The following NMBR variants were observed in gnomAD, a reference collection of about 807,000 sequenced individuals.
The protein encoded by NMBR is neuromedin B receptor, also known as neuromedin-B receptor.
NMBR carries 16 observed loss-of-function variants against 20.5 expected under a neutral mutation model. The observed-to-expected ratio is 0.78, with a 90% CI of 0.53 to 1.19. NMBR has a LOEUF of 1.19. Among genes scored for constraint, NMBR ranks in the 50% most tolerant of loss-of-function variants. NMBR has a pLI of 0.00. For synonymous variants in NMBR, 212 were observed against 196.6 expected, an observed-to-expected ratio of 1.08 and a Z score of -0.65; for missense variants, 582 against 499.1, an observed-to-expected ratio of 1.17 and a Z score of -1.58.
At chr6:142,141,583 C>T (rs528242319) in intron 1 of NMBR, among the ~76,000 whole-genome samples, 16 of 151,250 alleles carry the variant, frequency 1.1e-4, no homozygotes, top group African/African-American at 3.9e-4. Flanking sequence ...CGACTCACTG[C>T]AACCTCTGCA....
At chr6:142,078,433 A>T (rs1399069046) in intron 3 of NMBR, 122 bp downstream of exon 3, 1 of 611,714 alleles carries the variant, frequency 1.6e-6, no homozygotes, top group African/African-American at 1.9e-5. Context: ...CTTCTAGTTA[A>T]GGCCTGTGAA....
intron 1 of NMBR, among the ~76,000 whole-genome samples, chr6:142,110,514 T>A (rs759118488): frequency 5.9e-5 from 9 of 152,104 alleles, no homozygotes; most frequent in Non-Finnish European, 1.0e-4. Flanking sequence ...TGCATGAAAT[T>A]TATGTGAAAT....
chr6:142,122,024 C>T (rs1196589772), intron 1 of NMBR, among the ~76,000 whole-genome samples: 1 of 151,964 alleles, frequency 6.6e-6, no homozygotes, highest in Admixed American at 6.6e-5. Flanking sequence ...ACATGCCTCT[C>T]ATTCCCAGTT....
At chr6:142,078,955 G>A (rs1777021184) in intron 2 of NMBR, 52 bp from the exon 3 acceptor site, 6 of 1,182,856 alleles carry the variant, frequency 5.1e-6, no homozygotes, top group South Asian at 5.0e-5. Context: ...AAAGAAAAAA[G>A]AGAAAGAAAA....
In NMBR at chr6:142,126,649, A is replaced by C. The variant is rs142539257; in HGVS notation, c.-664+20395T>G. 1.3e-4 allele frequency among the ~76,000 whole-genome samples: 19 copies of C among 151,744 alleles called. No homozygotes were observed. In the East Asian group the frequency reaches 3.5e-3, roughly 28 times the overall value. ...TGATTTTGATTTGTATTTCCCTGATAATAAGCGATGTTGAGCACTTTTTAA... is the reference window on the plus strand; with the variant it reads ...TGATTTTGATTTGTATTTCCCTGATCATAAGCGATGTTGAGCACTTTTTAA... On this transcript the variant is annotated intron_variant, in intron 1 of 3. Transcript: ENST00000258042.
At chr6:142,112,937 C>A (rs1304828341) in intron 1 of NMBR, among the ~76,000 whole-genome samples, 2 of 152,008 alleles carry the variant, frequency 1.3e-5, no homozygotes, top group African/African-American at 4.8e-5. Flanking sequence ...CTGCCTTACC[C>A]ATCTCACAAA....
chr6:142,122,970 A>G (rs139107847), intron 1 of NMBR, among the ~76,000 whole-genome samples: 1 of 152,054 alleles, frequency 6.6e-6, no homozygotes, highest in Admixed American at 6.6e-5. Flanking sequence ...GCCAATGGGA[A>G]AAGGAGTAAT....
chr6:142,095,491 C>T (rs555632427), intron 1 of NMBR, among the ~76,000 whole-genome samples: 4 of 152,288 alleles, frequency 2.6e-5, no homozygotes, highest in African/African-American at 9.6e-5. Context: ...CCTTGCATCC[C>T]AGGGATGAAG....
chr6:142,082,068 G>C (rs1199125126), intron 2 of NMBR, among the ~76,000 whole-genome samples: 1 of 151,752 alleles, frequency 6.6e-6, no homozygotes, highest in East Asian at 1.9e-4. Context: ...AATAAAAATG[G>C]GATATTTTTT....
chr6:142,141,343 G>T (rs1324394914), intron 1 of NMBR, among the ~76,000 whole-genome samples: 5 of 151,976 alleles, frequency 3.3e-5, no homozygotes, highest in African/African-American at 1.2e-4. Flanking sequence ...AATTACCTGG[G>T]AAATTAAAAA....
intron 1 of NMBR, among the ~76,000 whole-genome samples, chr6:142,091,087 A>G (rs1582841882): frequency 6.6e-6 from 1 of 152,230 alleles, no homozygotes; most frequent in South Asian, 2.1e-4. Flanking sequence ...TTTTTTTGGT[A>G]TTTTATTAAA....
chr6:142,091,117 A>AAATGTTATAAAG (rs1777314433), intron 1 of NMBR, among the ~76,000 whole-genome samples: 1 of 152,230 alleles, frequency 6.6e-6, no homozygotes, highest in Non-Finnish European at 1.5e-5. Context: ...AGTTATAATA[A>AAATGTTATAAAG]TGTGTTATTT....
chr6:142,078,504 G>A lies in NMBR; in HGVS notation c.771+51C>T, dbSNP rs76619020. ...AGCCCACAAAATAAAACAATAAATA[G>A]CAGTTACTTGTTCTGACCACACACC... On this transcript the variant is annotated intron_variant, in intron 3 of 3. Transcript: ENST00000258042. 3.1e-3 allele frequency: 3,004 copies of A among 977,118 alleles called. 65 individuals carry two copies. The African/African-American group carries it at 0.044, about 14-fold the overall frequency. The allele number at this position is 977,118 out of a possible 1,614,324, so 60.5% of individuals were successfully genotyped here.
At position 142,079,126 on chromosome 6, in the gene NMBR, G is replaced by GAAAGAAAGAAAGAAAGAAAGAGA. The variant is rs11451074; in HGVS notation, c.423-224_423-223insTCTCTTTCTTTCTTTCTTTCTTT. Among the ~76,000 whole-genome samples, 71 of 103,308 alleles carry GAAAGAAAGAAAGAAAGAAAGAGA rather than the reference G, an allele frequency of 6.9e-4. 1 individual carries two copies. The highest frequency in any genetic ancestry group is 3.2e-3 in the South Asian group (11 of 3,408). 67.8% of individuals were successfully genotyped at this position (103,308 alleles called of 152,430 possible). A position where few individuals can be genotyped will look rare whatever the true frequency, so the allele number is the denominator to read the frequency against. On this transcript the variant is annotated intron_variant, in intron 2 of 3. Transcript: ENST00000258042. ...AGAGAGAAAGAAAGAAAGAAAGAAA[G>GAAAGAAAGAAAGAAAGAAAGAGA]AAGAAAGAAAGAAAGAAAAAGAAGA...
At chr6:142,094,698 G>C (rs1427100570) in intron 1 of NMBR, among the ~76,000 whole-genome samples, 5 of 152,162 alleles carry the variant, frequency 3.3e-5, no homozygotes, top group African/African-American at 1.2e-4. Context: ...GAAAGTCATT[G>C]GTAGCTTGAT....
Position 142,078,786 on chromosome 6 carries a change from C to G in NMBR, c.540G>C (p.Val180=). Residue 180 remains valine (V), a synonymous_variant, in exon 3 of 4, where the codon GTG becomes GTC. Transcript: ENST00000258042. ...TACTGATGCGAGCCACTTCTGAAAA[C>G]ACCGCTTCGGGAACTGCCAGCAACA... The part of the protein sequence containing the change: ...VSVLLAVPEA[V]FSEVARISSL... The G allele has an allele frequency of 6.2e-7, 1 of 1,613,808 alleles. No homozygotes were observed. Among genetic ancestry groups the G allele is most frequent in the Non-Finnish European group, 8.5e-7 (1 of 1,179,978 alleles).
chr6:142,097,239 C>T (rs1300872321), intron 1 of NMBR, among the ~76,000 whole-genome samples: 10 of 152,050 alleles, frequency 6.6e-5, no homozygotes, highest in Non-Finnish European at 1.3e-4. Flanking sequence ...TGATTTTGCT[C>T]GTTAGTTGAT....
intron 2 of NMBR, among the ~76,000 whole-genome samples, 159 bp from the exon 3 acceptor site, chr6:142,079,062 G>GAGAAAGAAAGAA (rs1562390102): frequency 3.0e-5 from 4 of 133,390 alleles, no homozygotes; most frequent in African/African-American, 1.1e-4. Flanking sequence ...GAGAGAAAGA[G>GAGAAAGAAAGAA]AGAGAGAAAG....
chr6:142,075,525 AT>A lies in NMBR; in HGVS notation c.*122del, dbSNP rs1272599334. On this transcript the variant is annotated 3_prime_UTR_variant, in exon 4 of 4. Coordinates refer to ENST00000258042, the MANE Select transcript of NMBR (RefSeq NM_002511.4). ...CTAGTGTAGAGAAAAAATGTCTTGC[AT>A]TTTCTGAGTCAATCATGCAATTGCC... 1.1e-6 allele frequency: 1 copy of A among 899,016 alleles called. No individual in the cohort carries two copies. The highest frequency in any genetic ancestry group is 1.7e-6 in the Non-Finnish European group (1 of 597,308). The allele number at this position is 899,016 out of a possible 1,614,324, so 55.7% of individuals were successfully genotyped here.
Sources: allele counts gnomAD v4.1 joint callset (sites outside exome capture counted in the v4.1 genomes callset), GRCh38; gene constraint gnomAD v4.1.1; transcripts MANE v1.5; gene names NCBI Gene and HGNC (gene_info 2026-07-23, HGNC 2026-07-21).